Variants in DST observed in about 807,000 individuals in gnomAD.
DST encodes bullous pemphigoid antigen.
DST carries 253 observed loss-of-function variants against 875.2 expected under a neutral mutation model. The observed-to-expected ratio is 0.29, with a 90% confidence interval of 0.26 to 0.32. The LOEUF (loss-of-function observed/expected upper bound fraction) is 0.32. DST is among the 10% of genes least tolerant of loss of function. DST has a pLI of 1.00. For synonymous variants in DST, 3,124 were observed against 3,197.1 expected, an observed-to-expected ratio of 0.98 and a Z score of 0.77; for missense variants, 8,287 against 9,111.6, an observed-to-expected ratio of 0.91 and a Z score of 3.68.
At chr6:56,710,076 CATA>C (rs910551105) in intron 5 of DST, among the ~76,000 whole-genome samples, 6 of 152,162 alleles carry the variant, frequency 3.9e-5, no homozygotes, top group Non-Finnish European at 8.8e-5. Context: ...AGAATGAGGC[CATA>C]ATATCTCTGA....
intron 68 of DST, 112 bp downstream of exon 68, chr6:56,527,381 A>AG: frequency 7.4e-7 from 1 of 1,360,332 alleles, no homozygotes; most frequent in Non-Finnish European, 9.8e-7. Context: ...CCACCCACCA[A>AG]GGCATCCTTC....
chr6:56,619,555 T>A lies in DST; in HGVS notation c.4929+4975A>T, dbSNP rs781257215. 3.9e-5 allele frequency: 63 copies of A among 1,613,826 alleles called. No individual in the cohort carries two copies. Among genetic ancestry groups the A allele is most frequent in the Admixed American group, 1.2e-4 (7 of 60,004 alleles). ...GAATATTCTTCTCAGCTACAGCATG[T>A]GCCCTTGTGATTCTGTCTACTTCTC... On this transcript the variant is annotated intron_variant, in intron 36 of 103. Transcript: ENST00000680361.
At chr6:56,502,797 C>T (rs2096179278) in intron 78 of DST, among the ~76,000 whole-genome samples, 1 of 152,026 alleles carries the variant, frequency 6.6e-6, no homozygotes. Flanking sequence ...ATGAAATATT[C>T]TATGTCACAC....
chr6:56,501,808 C>T (rs567570574), intron 78 of DST, 115 bp from the exon 79 acceptor site: 42 of 688,708 alleles, frequency 6.1e-5, no homozygotes, highest in African/African-American at 4.6e-4. Context: ...GGGGAGGTGA[C>T]GCAAAGTAAA....
chr6:56,853,719 G>A (rs1766434646), intron 3 of DST, among the ~76,000 whole-genome samples: 2 of 152,078 alleles, frequency 1.3e-5, no homozygotes, highest in South Asian at 2.1e-4. Flanking sequence ...ATTGAACAAC[G>A]AAATGTGATT....
intron 49 of DST, among the ~76,000 whole-genome samples, chr6:56,580,095 C>A (rs1028318956): frequency 4.6e-5 from 7 of 152,080 alleles, no homozygotes; most frequent in African/African-American, 1.4e-4. Flanking sequence ...AGCTGTGCTG[C>A]CACTATGGTA....
At chr6:56,471,939 A>G in intron 94 of DST, 120 bp downstream of exon 94, 1 of 996,200 alleles carries the variant, frequency 1.0e-6, no homozygotes, top group Non-Finnish European at 1.6e-6. Context: ...ATGTACTCAA[A>G]TAGCAAGAGT....
intron 49 of DST, among the ~76,000 whole-genome samples, chr6:56,580,725 C>CTTTTTT (rs1167715487): frequency 6.6e-5 from 8 of 121,032 alleles, no homozygotes; most frequent in Non-Finnish European, 1.4e-4. Flanking sequence ...TTTACTTTTT[C>CTTTTTT]TTTTTTTTTT....
intron 39 of DST, among the ~76,000 whole-genome samples, chr6:56,609,759 A>G (rs931300057): frequency 6.6e-6 from 1 of 152,210 alleles, no homozygotes; most frequent in African/African-American, 2.4e-5. Flanking sequence ...TGATGTTTAC[A>G]GCATACAGAC....
chr6:56,766,127 T>C (rs573681740), intron 4 of DST, among the ~76,000 whole-genome samples: 1 of 152,326 alleles, frequency 6.6e-6, no homozygotes, highest in Non-Finnish European at 1.5e-5. Flanking sequence ...AATTGAAGCA[T>C]GGATTCACAT....
intron 5 of DST, among the ~76,000 whole-genome samples, chr6:56,720,526 G>A (rs1419604199): frequency 1.3e-5 from 2 of 151,886 alleles, no homozygotes; most frequent in Non-Finnish European, 2.9e-5. Flanking sequence ...TGTGTCCCTG[G>A]GTACTTGAGA....
chr6:56,824,627 G>A (rs1270562054), intron 4 of DST, among the ~76,000 whole-genome samples: 1 of 151,920 alleles, frequency 6.6e-6, no homozygotes, highest in Non-Finnish European at 1.5e-5. Flanking sequence ...TGCCCCGTCT[G>A]GGATGTGAGG....
chr6:56,783,110 C>A (rs992736401), intron 4 of DST, among the ~76,000 whole-genome samples: 11 of 152,042 alleles, frequency 7.2e-5, no homozygotes, highest in Admixed American at 1.3e-4. Context: ...AATTTCTGTT[C>A]TTTTACATTT....
chr6:56,550,745 G>A (rs1027770383), intron 61 of DST, among the ~76,000 whole-genome samples: 12 of 152,116 alleles, frequency 7.9e-5, no homozygotes, highest in Non-Finnish European at 1.3e-4. Flanking sequence ...ATTTAATGTG[G>A]TTAAATTTCA....
intron 10 of DST, among the ~76,000 whole-genome samples, chr6:56,661,928 T>A (rs1462794752): frequency 1.3e-5 from 2 of 152,170 alleles, no homozygotes; most frequent in African/African-American, 4.8e-5. Context: ...CTGAAATTTG[T>A]CAACTTACTT....
intron 71 of DST, among the ~76,000 whole-genome samples, chr6:56,516,283 A>G (rs2096592740): frequency 6.6e-6 from 1 of 152,156 alleles, no homozygotes; most frequent in Non-Finnish European, 1.5e-5. Flanking sequence ...GATCTAGATT[A>G]TGGTATAAAC....
intron 5 of DST, among the ~76,000 whole-genome samples, chr6:56,723,229 AGGG>A (rs2099429194): frequency 6.6e-6 from 1 of 152,228 alleles, no homozygotes; most frequent in African/African-American, 2.4e-5. Context: ...GAGAACCAAA[AGGG>A]TAAGTCATCC....
chr6:56,507,738 A>G (rs1024916599), intron 75 of DST, among the ~76,000 whole-genome samples: 2 of 152,188 alleles, frequency 1.3e-5, no homozygotes, highest in African/African-American at 2.4e-5. Context: ...AGAGAAAAAC[A>G]TAACTTTGGA....
At chr6:56,561,133 T>C (rs2097530834) in intron 57 of DST, among the ~76,000 whole-genome samples, 175 bp downstream of exon 57, 2 of 152,110 alleles carry the variant, frequency 1.3e-5, no homozygotes, top group African/African-American at 4.8e-5. Flanking sequence ...TAAAAAAAAG[T>C]AACTATTATT....
Sources: allele counts gnomAD v4.1 joint callset (sites outside exome capture counted in the v4.1 genomes callset), GRCh38; gene constraint gnomAD v4.1.1; transcripts MANE v1.5; gene names NCBI Gene and HGNC (gene_info 2026-07-23, HGNC 2026-07-21).